Variants in UBTD1 observed in about 807,000 individuals in gnomAD.
The protein encoded by UBTD1 is ubiquitin domain containing 1.
A neutral mutation model predicts 21.7 loss-of-function variants in UBTD1; 19 were observed. The observed-to-expected ratio is 0.87, with a 90% CI of 0.61 to 1.28. The LOEUF (loss-of-function observed/expected upper bound fraction) is 1.28, where lower values mean the gene tolerates loss of function less well. Among genes scored for constraint, UBTD1 ranks in the 50% most tolerant of loss-of-function variants. The pLI, the probability that UBTD1 is intolerant of heterozygous loss-of-function variation, is 0.00. For synonymous variants in UBTD1, 116 were observed against 135.1 expected (o/e 0.86, Z 0.98); for missense variants, 282 against 315.1 (o/e 0.89, Z 0.80).
At position 97,499,174 on chromosome 10, in the gene UBTD1, C is replaced by A. The variant is rs997877803; in HGVS notation, c.-30C>A. 2.6e-6 allele frequency: 4 copies of A among 1,513,154 alleles called. No individual in the cohort carries two copies. The East Asian group carries it at 8.0e-5, about 30-fold the overall frequency. The allele number at this position is 1,513,154 out of a possible 1,614,324, so 93.7% of individuals were successfully genotyped here. On this transcript the variant is annotated 5_prime_UTR_variant, in exon 1 of 3. Coordinates refer to ENST00000370664, the MANE Select transcript of UBTD1 (RefSeq NM_024954.5). ...GAGCAGCCGACCACCCCGCCGCCTC[C>A]GGTGCATGGGGACTGGCTGAGGAGC...
chr10:97,499,496 C>A (rs1281460254), intron 1 of UBTD1, among the ~76,000 whole-genome samples: 1 of 152,228 alleles, frequency 6.6e-6, no homozygotes, highest in East Asian at 1.9e-4. Context: ...CAACTCTCTC[C>A]AACTGGGTAG....
intron 1 of UBTD1, among the ~76,000 whole-genome samples, chr10:97,500,443 A>G (rs1378109843): frequency 6.6e-6 from 1 of 152,170 alleles, no homozygotes; most frequent in Non-Finnish European, 1.5e-5. Context: ...TTTTTATGGG[A>G]AGGATGCAGT....
chr10:97,527,171 C>CAAAAAAA (rs34756643), intron 1 of UBTD1, among the ~76,000 whole-genome samples: 2 of 66,706 alleles, frequency 3.0e-5, no homozygotes, highest in African/African-American at 1.3e-4. Flanking sequence ...CTCTTGTCTC[C>CAAAAAAA]AAAAAAAAAA....
chr10:97,510,729 C>G, intron 1 of UBTD1, among the ~76,000 whole-genome samples: 1 of 152,176 alleles, frequency 6.6e-6, no homozygotes, highest in East Asian at 1.9e-4. Flanking sequence ...GGGTTATCTA[C>G]TGTTCGACCC....
At chr10:97,526,728 G>C (rs529643376) in intron 1 of UBTD1, among the ~76,000 whole-genome samples, 4 of 151,984 alleles carry the variant, frequency 2.6e-5, no homozygotes, top group Admixed American at 2.6e-4. Flanking sequence ...GCATGCACCG[G>C]TAGTCCCAGC....
At chr10:97,502,631 G>A (rs1033670388) in intron 1 of UBTD1, among the ~76,000 whole-genome samples, 3 of 152,114 alleles carry the variant, frequency 2.0e-5, no homozygotes, top group African/African-American at 7.2e-5. Context: ...CACAAAGGCA[G>A]CTGTTTAAAG....
At chr10:97,514,370 C>G (rs144402714) in intron 1 of UBTD1, among the ~76,000 whole-genome samples, 9 of 152,320 alleles carry the variant, frequency 5.9e-5, no homozygotes, top group Middle Eastern at 6.8e-3. Context: ...TCATCCCTCC[C>G]CATCCCCCAA....
At chr10:97,545,533 C>T (rs528342169) in intron 1 of UBTD1, among the ~76,000 whole-genome samples, 24 of 151,984 alleles carry the variant, frequency 1.6e-4, no homozygotes, top group African/African-American at 5.1e-4. Flanking sequence ...ATATATAACA[C>T]GTATGTGTTA....
intron 1 of UBTD1, among the ~76,000 whole-genome samples, chr10:97,519,735 T>C (rs1174062737): frequency 6.6e-6 from 1 of 152,208 alleles, no homozygotes; most frequent in African/African-American, 2.4e-5. Context: ...ATTGCAGGAA[T>C]TCTCAAGTGA....
intron 1 of UBTD1, among the ~76,000 whole-genome samples, chr10:97,501,770 T>A (rs924302302): frequency 6.6e-6 from 1 of 152,166 alleles, no homozygotes; most frequent in Non-Finnish European, 1.5e-5. Flanking sequence ...GCCATTTCCT[T>A]CTTATCGAGA....
At chr10:97,531,045 G>A (rs931131834) in intron 1 of UBTD1, among the ~76,000 whole-genome samples, 6 of 151,496 alleles carry the variant, frequency 4.0e-5, no homozygotes, top group Non-Finnish European at 5.9e-5. Context: ...CCGCCACCAC[G>A]CCCAACTAAT....
chr10:97,563,572 A>C (rs1219053889), intron 1 of UBTD1, among the ~76,000 whole-genome samples: 4 of 152,170 alleles, frequency 2.6e-5, no homozygotes, highest in Admixed American at 6.5e-5. Context: ...GGACTTCATC[A>C]GAGTGAAAGT....
At chr10:97,548,886 G>T (rs1321175090) in intron 1 of UBTD1, among the ~76,000 whole-genome samples, 1 of 152,198 alleles carries the variant, frequency 6.6e-6, no homozygotes, top group Non-Finnish European at 1.5e-5. Context: ...TCGGGGGATG[G>T]CTGGTCAGTG....
At chr10:97,533,959 A>C (rs1248941366) in intron 1 of UBTD1, among the ~76,000 whole-genome samples, 1 of 151,160 alleles carries the variant, frequency 6.6e-6, no homozygotes, top group African/African-American at 2.4e-5. Context: ...CCCTCATCAG[A>C]CTCGCCTTGG....
chr10:97,539,195 G>A (rs1361940784), intron 1 of UBTD1, among the ~76,000 whole-genome samples: 1 of 151,338 alleles, frequency 6.6e-6, no homozygotes, highest in African/African-American at 2.5e-5. Flanking sequence ...TGGGGTTTCT[G>A]GAGGTGTCAG....
chr10:97,513,102 G>A (rs1203212968), intron 1 of UBTD1, among the ~76,000 whole-genome samples: 1 of 152,328 alleles, frequency 6.6e-6, no homozygotes, highest in East Asian at 1.9e-4. Context: ...TGGTTCAGAG[G>A]GGTCAAGCCA....
In UBTD1 at chr10:97,570,255, C is replaced by T. The variant is rs755601258; in HGVS notation, c.416C>T (p.Pro139Leu). 1 of 1,613,216 alleles carries T rather than the reference C, an allele frequency of 6.2e-7. No homozygotes were observed. Among genetic ancestry groups the T allele is most frequent in the Admixed American group, 1.7e-5 (1 of 60,020 alleles). ...ACGGAGGAGGAGAGCCTGGAGCCCCCCGAGCCTCCACCCAGCGTGCGCCGT... is the reference window on the plus strand; with the variant it reads ...ACGGAGGAGGAGAGCCTGGAGCCCCTCGAGCCTCCACCCAGCGTGCGCCGT... ...EHTEEESLEP[P>L]EPPPSVRREF... is the part of the protein sequence containing the mutation. The change falls in exon 3 of 3, where the codon CCC becomes CTC. Residue 139 changes from proline (P) to leucine (L), a missense_variant. Coordinates refer to ENST00000370664, the MANE Select transcript of UBTD1 (RefSeq NM_024954.5). The surrounding 1 kb of genome is among the most constrained non-coding windows in gnomAD (Gnocchi z 6.6).
intron 1 of UBTD1, among the ~76,000 whole-genome samples, chr10:97,528,053 C>T (rs1189399725): frequency 3.4e-5 from 5 of 145,754 alleles, no homozygotes; most frequent in South Asian, 2.3e-4. Context: ...ACCTCCCGGA[C>T]GGGGCGGCTG....
At chr10:97,544,108 C>T (rs933878906) in intron 1 of UBTD1, among the ~76,000 whole-genome samples, 7 of 152,086 alleles carry the variant, frequency 4.6e-5, no homozygotes, top group African/African-American at 1.4e-4. Context: ...ATGGTGAAAC[C>T]CCGTCTCTAC....
Sources: gnomAD v4.1 joint callset for allele counts (sites outside exome capture counted in the v4.1 genomes callset) on GRCh38, gnomAD v4.1.1 for gene constraint, Gnocchi (gnomAD v3.1) non-coding constraint, MANE v1.5 for transcripts, NCBI Gene and HGNC (gene_info 2026-07-23, HGNC 2026-07-21) for gene names.